Variants in ATP9B observed in about 807,000 individuals in gnomAD.
ATP9B encodes the protein probable phospholipid-transporting ATPase IIB.
ATP9B carries 110 observed loss-of-function variants against 146.1 expected under a neutral mutation model. The ratio of observed to expected loss-of-function variants is 0.75; its 90% CI spans 0.65 to 0.88. The LOEUF is 0.88. Ranked by LOEUF, ATP9B falls within the 40% of genes least tolerant of loss-of-function variation. The pLI is 0.00. For synonymous variants in ATP9B, 604 were observed against 569.7 expected, an observed-to-expected ratio of 1.06 and a Z score of -0.86; for missense variants, 1,499 against 1,496.4, an observed-to-expected ratio of 1.00 and a Z score of -0.03.
chr18:79,070,181 T>A (rs545208259), intron 1 of ATP9B, among the ~76,000 whole-genome samples: 14 of 152,366 alleles, frequency 9.2e-5, no homozygotes, highest in African/African-American at 3.4e-4. Flanking sequence ...TTAACATTTC[T>A]CATTCAAAGA....
chr18:79,368,828 C>T (rs1010803237), intron 26 of ATP9B, among the ~76,000 whole-genome samples: 3 of 151,912 alleles, frequency 2.0e-5, no homozygotes, highest in African/African-American at 4.8e-5. Flanking sequence ...GCACCCTCGT[C>T]GTTGGCACGT....
chr18:79,121,165 TG>T lies in ATP9B; in HGVS notation c.559-5101del, dbSNP rs2094182589. ...TAAGCCCTCAAAGGCACATCAATAATGTACCCATCTAACTTTTTCTCCTTTT... is the reference window on the plus strand; with the variant it reads ...TAAGCCCTCAAAGGCACATCAATAATTACCCATCTAACTTTTTCTCCTTTT... On this transcript the variant is annotated intron_variant, in intron 4 of 29. Coordinates refer to ENST00000426216, the MANE Select transcript of ATP9B (RefSeq NM_198531.5). 2.0e-5 allele frequency among the ~76,000 whole-genome samples: 3 copies of T among 152,244 alleles called. No homozygotes were observed. In the South Asian group the frequency reaches 6.2e-4, roughly 32 times the overall value.
chr18:79,176,980 T>C (rs1369597606), intron 8 of ATP9B, 73 bp downstream of exon 8: 1 of 1,252,754 alleles, frequency 8.0e-7, no homozygotes, highest in Non-Finnish European at 1.1e-6. Context: ...TATTTCTGTT[T>C]ATACCAGCTA....
chr18:79,254,006 T>C (rs1241461970), intron 12 of ATP9B: 1 of 152,564 alleles, frequency 6.6e-6, no homozygotes, highest in East Asian at 1.9e-4. Flanking sequence ...TAACCTATAT[T>C]ATAACTACAG....
intron 18 of ATP9B, 108 bp downstream of exon 18, chr18:79,336,819 A>C (rs2147257232): frequency 1.7e-6 from 2 of 1,147,686 alleles, no homozygotes; most frequent in Middle Eastern, 2.0e-4. Flanking sequence ...GCTATAGTCT[A>C]GGAGTGAAGG....
intron 11 of ATP9B, among the ~76,000 whole-genome samples, chr18:79,214,627 A>G (rs547646856): frequency 2.0e-5 from 3 of 152,336 alleles, no homozygotes; most frequent in East Asian, 1.9e-4. Flanking sequence ...TCATGATACC[A>G]TATGTGAGAT....
chr18:79,326,608 G>C (rs1325974279), intron 15 of ATP9B, among the ~76,000 whole-genome samples: 3 of 152,096 alleles, frequency 2.0e-5, no homozygotes, highest in Non-Finnish European at 4.4e-5. Context: ...ATGGTGTTCG[G>C]TTTCATCTCT....
intron 26 of ATP9B, chr18:79,361,980 C>T (rs553280902): frequency 5.4e-6 from 1 of 183,834 alleles, no homozygotes; most frequent in East Asian, 1.9e-4. Flanking sequence ...CATAAAGGGC[C>T]GCGGCCTGCA....
intron 15 of ATP9B, among the ~76,000 whole-genome samples, chr18:79,322,235 A>G (rs1289679412): frequency 6.6e-6 from 1 of 152,192 alleles, no homozygotes. Context: ...TTCTAATTCA[A>G]GCCCCGTGGG....
chr18:79,071,893 T>G lies in ATP9B; in HGVS notation c.119+2364T>G, dbSNP rs1339596238. ...TTGGATTTCATGTTTGGTTTTGTTT[T>G]TTTTTTTTTTTTTGGTTTTCGAATA... On this transcript the variant is annotated intron_variant, in intron 1 of 29. Coordinates refer to ENST00000426216, the MANE Select transcript of ATP9B (RefSeq NM_198531.5). Among the ~76,000 whole-genome samples, 27 of 150,684 alleles carry G rather than the reference T, an allele frequency of 1.8e-4. 1 individual carries two copies. Among genetic ancestry groups the G allele is most frequent in the Middle Eastern group, 3.4e-3 (1 of 292 alleles).
intron 16 of ATP9B, 113 bp from the exon 17 acceptor site, chr18:79,329,898 AG>A (rs2096780911): frequency 1.1e-5 from 10 of 926,652 alleles, no homozygotes; most frequent in Non-Finnish European, 1.7e-5. Flanking sequence ...CTTAACACAC[AG>A]GAACACATTC....
At chr18:79,069,861 A>G (rs2071512899) in intron 1 of ATP9B, among the ~76,000 whole-genome samples, 1 of 152,242 alleles carries the variant, frequency 6.6e-6, no homozygotes, top group South Asian at 2.1e-4. Flanking sequence ...AACTTCTCGG[A>G]TACTTCAGAG....
rs187891604 is a variant in ATP9B at position 79,090,481 on chromosome 18, T to C, written c.120-5995T>C. On this transcript the variant is annotated intron_variant, in intron 1 of 29. Coordinates refer to ENST00000426216, the MANE Select transcript of ATP9B (RefSeq NM_198531.5). Reference sequence around the variant, plus strand: ...ATAAGCCATTTTAACTTGGGTGAGATGATCTCTGTTTGTAGTTGTGATTTG... The same window carrying C: ...ATAAGCCATTTTAACTTGGGTGAGACGATCTCTGTTTGTAGTTGTGATTTG... 3.0e-3 allele frequency among the ~76,000 whole-genome samples: 455 copies of C among 152,362 alleles called. 1 individual carries two copies. Among genetic ancestry groups the C allele is most frequent in the Middle Eastern group, 0.01 (3 of 294 alleles).
rs578049607 is a variant in ATP9B, at chr18:79,175,093, C to T, written c.779-1720C>T. On this transcript the variant is annotated intron_variant, in intron 7 of 29. Coordinates refer to ENST00000426216, the MANE Select transcript of ATP9B (RefSeq NM_198531.5). ...GCACGCATCTGTAGTCCCAGCTACT[C>T]GGAAGGCTGAGGCAGGAGAATTGCT... Among the ~76,000 whole-genome samples, 96 of 151,194 alleles carry T rather than the reference C, an allele frequency of 6.3e-4. 1 individual carries two copies. The highest frequency in any genetic ancestry group is 2.2e-3 in the African/African-American group (89 of 41,204).
intron 6 of ATP9B, 181 bp downstream of exon 6, chr18:79,144,041 T>C (rs2094547276): frequency 2.3e-6 from 1 of 437,244 alleles, no homozygotes; most frequent in Admixed American, 4.1e-5. Context: ...TTTGCTAAAG[T>C]ATATTTCAGT....
At chr18:79,186,090 G>A (rs1230544282) in intron 8 of ATP9B, among the ~76,000 whole-genome samples, 1 of 152,096 alleles carries the variant, frequency 6.6e-6, no homozygotes, top group African/African-American at 2.4e-5. Context: ...TGGCTTTTGT[G>A]ATCAAACAAA....
At chr18:79,236,651 C>G (rs1310417681) in intron 11 of ATP9B, among the ~76,000 whole-genome samples, 3 of 152,248 alleles carry the variant, frequency 2.0e-5, no homozygotes, top group African/African-American at 7.2e-5. Context: ...ATGTGGATTT[C>G]CAGTTGACCC....
chr18:79,243,788 A>G (rs761169690), intron 11 of ATP9B, among the ~76,000 whole-genome samples: 7 of 152,234 alleles, frequency 4.6e-5, no homozygotes, highest in Non-Finnish European at 8.8e-5. Context: ...TAGTGTTTCA[A>G]GTAGCCTTAA....
At chr18:79,140,491 ATGGCCAGGCACGG>A (rs1445354685) in intron 5 of ATP9B, among the ~76,000 whole-genome samples, 2 of 152,006 alleles carry the variant, frequency 1.3e-5, no homozygotes, top group African/African-American at 4.8e-5. Flanking sequence ...ACAGGTGGTT[ATGGCCAGGCACGG>A]TGGCTCATGC....
Sources: allele counts gnomAD v4.1 joint callset (sites outside exome capture counted in the v4.1 genomes callset), GRCh38; gene constraint gnomAD v4.1.1; transcripts MANE v1.5; gene names NCBI Gene and HGNC (gene_info 2026-07-23, HGNC 2026-07-21).